The following ALK variants were observed in gnomAD, a reference collection of about 807,000 sequenced individuals.
ALK encodes ALK tyrosine kinase receptor.
ALK carries 74 observed loss-of-function variants against 163.1 expected under a neutral mutation model. The ratio of observed to expected loss-of-function variants is 0.45; its 90% CI spans 0.38 to 0.55. The LOEUF is 0.55. ALK is among the 20% of genes least tolerant of loss of function. The probability of loss-of-function intolerance (pLI) is 0.00; values close to 1 mark genes in which losing one functional copy is unlikely to be tolerated. For synonymous variants in ALK, 960 were observed against 843.2 expected, an observed-to-expected ratio of 1.14 and a Z score of -2.40; for missense variants, 2,063 against 2,105.3, an observed-to-expected ratio of 0.98 and a Z score of 0.39.
intron 4 of ALK, among the ~76,000 whole-genome samples, chr2:29,494,730 T>TA (rs1179702649): frequency 6.6e-6 from 1 of 152,166 alleles, no homozygotes; most frequent in Non-Finnish European, 1.5e-5. Context: ...GGCATTACAA[T>TA]AGGACCCTTT....
At chr2:29,297,155 C>A in intron 8 of ALK, 98 bp from the exon 9 acceptor site, 1 of 1,396,018 alleles carries the variant, frequency 7.2e-7, no homozygotes, top group Non-Finnish European at 1.0e-6. Flanking sequence ...ATAAGAGACT[C>A]AGCTGAGTTC....
intron 1 of ALK, among the ~76,000 whole-genome samples, chr2:29,798,906 T>A (rs2148362753): frequency 1.3e-5 from 2 of 152,284 alleles, no homozygotes; most frequent in Middle Eastern, 6.8e-3. Flanking sequence ...GGACACTGCA[T>A]TTAGTCAGGG....
intron 1 of ALK, among the ~76,000 whole-genome samples, chr2:29,734,966 G>A (rs1679851611): frequency 6.6e-6 from 1 of 152,108 alleles, no homozygotes; most frequent in Non-Finnish European, 1.5e-5. Flanking sequence ...TAATAATAAT[G>A]TAATAATTGA....
At chr2:29,675,718 AAAT>A (rs781185953) in intron 3 of ALK, among the ~76,000 whole-genome samples, 2 of 152,016 alleles carry the variant, frequency 1.3e-5, no homozygotes, top group Non-Finnish European at 2.9e-5. Context: ...TTTATTTACA[AAAT>A]AATGAGTATA....
In ALK at chr2:29,780,700, C is replaced by T. The variant is rs1291220307; in HGVS notation, c.668-63003G>A. On this transcript the variant is annotated intron_variant, in intron 1 of 28. Transcript: ENST00000389048. ...CGGGCTACGTTAGCACAACCCATGG[C>T]GTTTCGGGGTAACAGATGCCACAGC... 3.9e-5 allele frequency among the ~76,000 whole-genome samples: 6 copies of T among 152,140 alleles called. No individual in the cohort carries two copies. The South Asian group carries it at 6.2e-4, about 16-fold the overall frequency.
At chr2:29,664,225 G>T (rs569859653) in intron 3 of ALK, among the ~76,000 whole-genome samples, 7 of 152,264 alleles carry the variant, frequency 4.6e-5, no homozygotes, top group South Asian at 2.1e-4. Flanking sequence ...ATGGTTCAGA[G>T]GGTTGATTTG....
At chr2:29,239,596 A>G in intron 13 of ALK, 84 bp downstream of exon 13, 1 of 1,511,202 alleles carries the variant, frequency 6.6e-7, no homozygotes, top group East Asian at 2.2e-5. Context: ...TTCCAGGAGG[A>G]GGGTGTTGAG....
chr2:29,204,400 T>G lies in ALK; in HGVS notation c.3938+2771A>C, dbSNP rs368984935. Among the ~76,000 whole-genome samples, 17 of 152,288 alleles carry G rather than the reference T, an allele frequency of 1.1e-4. No homozygotes were observed. In the South Asian group the frequency reaches 3.3e-3, roughly 30 times the overall value. On this transcript the variant is annotated intron_variant, in intron 26 of 28. Coordinates refer to ENST00000389048, the MANE Select transcript of ALK (RefSeq NM_004304.5). ...TGACAACACCTCCGACTTTCCTCGT[T>G]TTTTATGACCTTGACAGGTTTGAGA...
At chr2:29,677,870 C>CT (rs1373762491) in intron 3 of ALK, among the ~76,000 whole-genome samples, 1 of 152,024 alleles carries the variant, frequency 6.6e-6, no homozygotes, top group Admixed American at 6.6e-5. Context: ...ATAATTTATT[C>CT]TGCAAGTATT....
At chr2:29,265,293 C>T (rs1665193006) in intron 11 of ALK, among the ~76,000 whole-genome samples, 1 of 152,184 alleles carries the variant, frequency 6.6e-6, no homozygotes, top group South Asian at 2.1e-4. Flanking sequence ...GCTGGGATTA[C>T]AGGCATGAGC....
At chr2:29,467,711 A>G (rs1671246339) in intron 4 of ALK, among the ~76,000 whole-genome samples, 1 of 152,146 alleles carries the variant, frequency 6.6e-6, no homozygotes, top group African/African-American at 2.4e-5. Flanking sequence ...TAATACTAAA[A>G]TATCATTTTT....
intron 26 of ALK, among the ~76,000 whole-genome samples, chr2:29,203,863 A>C (rs1669248350): frequency 6.6e-6 from 1 of 151,942 alleles, no homozygotes; most frequent in Admixed American, 6.6e-5. Context: ...TGTGCTAGGA[A>C]ATCTTGAATG....
At chr2:29,884,501 T>G (rs919190531) in intron 1 of ALK, among the ~76,000 whole-genome samples, 1 of 152,180 alleles carries the variant, frequency 6.6e-6, no homozygotes, top group African/African-American at 2.4e-5. Context: ...TGGCTACACC[T>G]GCAGGCATAA....
At chr2:29,493,439 C>T (rs1671951517) in intron 4 of ALK, among the ~76,000 whole-genome samples, 1 of 152,218 alleles carries the variant, frequency 6.6e-6, no homozygotes, top group Non-Finnish European at 1.5e-5. Flanking sequence ...ACAGAATGAG[C>T]TGTCTGTTCC....
At chr2:29,715,339 T>C (rs758668654) in intron 2 of ALK, among the ~76,000 whole-genome samples, 15 of 152,178 alleles carry the variant, frequency 9.9e-5, no homozygotes, top group Non-Finnish European at 2.1e-4. Context: ...TCCTCTACTC[T>C]GCCAAGAAGG....
intron 4 of ALK, among the ~76,000 whole-genome samples, chr2:29,412,534 T>A (rs568589663): frequency 6.6e-6 from 1 of 152,216 alleles, no homozygotes; most frequent in Non-Finnish European, 1.5e-5. Flanking sequence ...CAGGCATCCA[T>A]TTCCAGAATA....
chr2:29,485,212 A>C (rs931581652), intron 4 of ALK, among the ~76,000 whole-genome samples: 1 of 152,182 alleles, frequency 6.6e-6, no homozygotes, highest in Admixed American at 6.5e-5. Flanking sequence ...TTTTTCAAAT[A>C]TTTAGACAAT....
At chr2:29,727,845 C>CAG (rs72473605) in intron 1 of ALK, among the ~76,000 whole-genome samples, 9,845 of 152,140 alleles carry the variant, frequency 0.065, 1,057 homozygotes, top group African/African-American at 0.22. Flanking sequence ...TGGCCTCATG[C>CAG]AGAGACTCAG....
At chr2:29,441,353 G>A (rs1191969270) in intron 4 of ALK, among the ~76,000 whole-genome samples, 1 of 152,230 alleles carries the variant, frequency 6.6e-6, no homozygotes, top group African/African-American at 2.4e-5. Flanking sequence ...CTAGGGCTCG[G>A]TGTCACTGTA....
Sources: gnomAD v4.1 joint callset for allele counts (sites outside exome capture counted in the v4.1 genomes callset) on GRCh38, gnomAD v4.1.1 for gene constraint, MANE v1.5 for transcripts, NCBI Gene and HGNC (gene_info 2026-07-23, HGNC 2026-07-21) for gene names.